TTC7B: variants seen among roughly 807,000 people sequenced by gnomAD.
TTC7B encodes the protein tetratricopeptide repeat domain 7B.
TTC7B carries 28 observed loss-of-function variants against 106.8 expected under a neutral mutation model. The observed-to-expected ratio is 0.26, with a 90% CI of 0.19 to 0.36. The LOEUF is 0.36. Among genes scored for constraint, TTC7B ranks in the 10% least tolerant of loss-of-function variants. The pLI, the probability that TTC7B is intolerant of heterozygous loss-of-function variation, is 1.00. For missense variants in TTC7B, 862 were observed against 1,076.4 expected (o/e 0.80, Z 2.79); for synonymous variants, 405 against 430.6 (o/e 0.94, Z 0.74).
intron 5 of TTC7B, among the ~76,000 whole-genome samples, chr14:90,714,363 G>A (rs78135728): frequency 0.053 from 8,044 of 152,220 alleles, 272 homozygotes; most frequent in South Asian, 0.12. Flanking sequence ...GGCAGGGGGT[G>A]GCAGAAGGAA....
intron 15 of TTC7B, among the ~76,000 whole-genome samples, chr14:90,623,977 C>T (rs897275349): frequency 6.6e-6 from 1 of 152,322 alleles, no homozygotes; most frequent in East Asian, 1.9e-4. Context: ...ACCAAGATGG[C>T]GCCACTGCAC....
chr14:90,668,118 C>CAAAA (rs3061073), intron 9 of TTC7B, among the ~76,000 whole-genome samples: 1 of 142,768 alleles, frequency 7.0e-6, no homozygotes, highest in Non-Finnish European at 1.5e-5. Context: ...TAAGACCAAC[C>CAAAA]AAAAAAAAAA....
chr14:90,634,210 G>A (rs947315448), intron 15 of TTC7B, among the ~76,000 whole-genome samples: 4 of 152,032 alleles, frequency 2.6e-5, no homozygotes, highest in African/African-American at 7.3e-5. Context: ...ACAGTGTGTC[G>A]AGATAATTAT....
At chr14:90,658,280 C>A (rs1003799366) in intron 10 of TTC7B, 24 bp downstream of exon 10, 17 of 1,605,492 alleles carry the variant, frequency 1.1e-5, no homozygotes, top group Non-Finnish European at 1.4e-5. Context: ...GCATAAAAAA[C>A]TGCCCATCAC....
chr14:90,602,483 T>A (rs1440357548), intron 17 of TTC7B, among the ~76,000 whole-genome samples: 1 of 152,162 alleles, frequency 6.6e-6, no homozygotes, highest in Non-Finnish European at 1.5e-5. Flanking sequence ...GGAGGATCGC[T>A]TGAGCCCAGG....
At chr14:90,658,886 A>G (rs1886064715) in intron 9 of TTC7B, among the ~76,000 whole-genome samples, 1 of 152,212 alleles carries the variant, frequency 6.6e-6, no homozygotes, top group Non-Finnish European at 1.5e-5. Context: ...AGTAATCTAC[A>G]AACGGACTTC....
At chr14:90,707,407 T>C (rs1014053189) in intron 5 of TTC7B, among the ~76,000 whole-genome samples, 3 of 152,188 alleles carry the variant, frequency 2.0e-5, no homozygotes, top group Admixed American at 2.0e-4. Flanking sequence ...GCCTTTAAAG[T>C]TCAAGTGAAA....
At chr14:90,611,772 C>G (rs995821255) in intron 16 of TTC7B, among the ~76,000 whole-genome samples, 1 of 152,196 alleles carries the variant, frequency 6.6e-6, no homozygotes, top group African/African-American at 2.4e-5. Flanking sequence ...GTTAAGGGAT[C>G]TCATCTAACA....
At chr14:90,739,296 G>C (rs532552781) in intron 4 of TTC7B, among the ~76,000 whole-genome samples, 2 of 152,214 alleles carry the variant, frequency 1.3e-5, no homozygotes, top group East Asian at 1.9e-4. Context: ...GGCCTGAAAC[G>C]GGAAGGAAAG....
rs79090027 is a variant in TTC7B at position 90,646,509 on chromosome 14, C to T, written c.1590+442G>A. Among the ~76,000 whole-genome samples the T allele has an allele frequency of 5.9e-5, 9 of 152,306 alleles. No homozygotes were observed. In the East Asian group the frequency reaches 1.7e-3, roughly 29 times the overall value. On this transcript the variant is annotated intron_variant, in intron 14 of 19. Transcript: ENST00000328459. ...AAAGGACCTGGTTCTTTTGTCTCTGCCTGCTGGCATCTTCCTGCCAATCAA... is the reference window on the plus strand; with the variant it reads ...AAAGGACCTGGTTCTTTTGTCTCTGTCTGCTGGCATCTTCCTGCCAATCAA...
chr14:90,740,368 T>TG (rs762422244), intron 4 of TTC7B, among the ~76,000 whole-genome samples: 2 of 151,686 alleles, frequency 1.3e-5, no homozygotes, highest in East Asian at 3.9e-4. Context: ...CGACCAGGAG[T>TG]GAACAGAGAA....
intron 5 of TTC7B, among the ~76,000 whole-genome samples, chr14:90,710,601 T>C (rs1401131219): frequency 6.6e-6 from 1 of 152,204 alleles, no homozygotes; most frequent in Non-Finnish European, 1.5e-5. Flanking sequence ...TTCATTGTTG[T>C]CTTATTTTAA....
chr14:90,726,354 T>C (rs1468269637), intron 5 of TTC7B, among the ~76,000 whole-genome samples: 1 of 152,222 alleles, frequency 6.6e-6, no homozygotes, highest in Non-Finnish European at 1.5e-5. Context: ...CCCATGGTTA[T>C]GCACCTTGAG....
At chr14:90,797,731 T>C (rs896698181) in intron 1 of TTC7B, among the ~76,000 whole-genome samples, 2 of 152,164 alleles carry the variant, frequency 1.3e-5, no homozygotes, top group Admixed American at 1.3e-4. Flanking sequence ...ATCCCACAGA[T>C]ATATGCAATC....
chr14:90,669,978 T>C (rs1886569897), intron 9 of TTC7B, among the ~76,000 whole-genome samples: 1 of 152,230 alleles, frequency 6.6e-6, no homozygotes, highest in Non-Finnish European at 1.5e-5. Flanking sequence ...ATGCTGTGTC[T>C]TTATGTGCAA....
chr14:90,655,156 C>T, intron 11 of TTC7B, 46 bp from the exon 12 acceptor site: 1 of 1,452,762 alleles, frequency 6.9e-7, no homozygotes, highest in African/African-American at 1.4e-5. Flanking sequence ...TGCAGAATTT[C>T]TAACATGAGT....
At chr14:90,692,004 A>G (rs771798768) in intron 6 of TTC7B, among the ~76,000 whole-genome samples, 3 of 152,216 alleles carry the variant, frequency 2.0e-5, no homozygotes, top group Non-Finnish European at 2.9e-5. Context: ...CTTAGCATAA[A>G]GTTTTCAAGG....
chr14:90,709,315 A>T (rs1031749288), intron 5 of TTC7B, among the ~76,000 whole-genome samples: 11 of 151,812 alleles, frequency 7.2e-5, no homozygotes, highest in Middle Eastern at 6.8e-3. Context: ...GACTGGATTC[A>T]GAAAATGTGG....
intron 7 of TTC7B, among the ~76,000 whole-genome samples, chr14:90,688,621 C>CAAGAAA (rs1887342124): frequency 1.8e-5 from 1 of 54,490 alleles, no homozygotes; most frequent in African/African-American, 8.5e-5. Flanking sequence ...GGCTCTGTCT[C>CAAGAAA]AAAAAAAAAA....
Sources: allele counts gnomAD v4.1 joint callset (sites outside exome capture counted in the v4.1 genomes callset), GRCh38; gene constraint gnomAD v4.1.1; transcripts MANE v1.5; gene names NCBI Gene and HGNC (gene_info 2026-07-23, HGNC 2026-07-21).